The following DGCR2 variants were observed in gnomAD, a reference collection of about 807,000 sequenced individuals.
DGCR2 encodes DiGeorge syndrome critical region gene 2.
In DGCR2, 24 loss-of-function variants were observed where a neutral mutation model predicts 51.6. The ratio of observed to expected loss-of-function variants is 0.47; its 90% CI spans 0.34 to 0.65. DGCR2 has a LOEUF of 0.65. Ranked by LOEUF, DGCR2 falls within the 30% of genes least tolerant of loss-of-function variation. DGCR2 has a pLI of 0.01. For missense variants in DGCR2, 765 were observed against 772.1 expected (o/e 0.99, Z 0.11); for synonymous variants, 340 against 315.4 (o/e 1.08, Z -0.82).
intron 2 of DGCR2, 108 bp from the exon 3 acceptor site, chr22:19,068,333 G>A: frequency 1.5e-6 from 2 of 1,302,426 alleles, no homozygotes; most frequent in Non-Finnish European, 1.0e-6. Flanking sequence ...GGGGGGGCCT[G>A]TAGCACAGAG....
chr22:19,054,350 T>C (rs969218313), intron 6 of DGCR2, among the ~76,000 whole-genome samples: 1 of 152,206 alleles, frequency 6.6e-6, no homozygotes, highest in East Asian at 1.9e-4. Context: ...CTGTAACTGG[T>C]GAGTCTGTGT....
At chr22:19,058,896 G>C (rs1006198087) in intron 5 of DGCR2, among the ~76,000 whole-genome samples, 24 of 152,382 alleles carry the variant, frequency 1.6e-4, no homozygotes, top group African/African-American at 5.3e-4. Flanking sequence ...CTGGCAGCAA[G>C]CTGCATGGGC....
chr22:19,058,655 C>T (rs1053455918), intron 5 of DGCR2, among the ~76,000 whole-genome samples: 9 of 152,228 alleles, frequency 5.9e-5, no homozygotes, highest in Non-Finnish European at 1.2e-4. Context: ...AAATCTTCAG[C>T]GCTGAAGCTA....
intron 2 of DGCR2, among the ~76,000 whole-genome samples, chr22:19,074,820 A>G (rs1472489549): frequency 6.6e-6 from 1 of 152,126 alleles, no homozygotes; most frequent in Non-Finnish European, 1.5e-5. Context: ...TTTTTTTTAC[A>G]TCGGAGCTGC....
intron 3 of DGCR2, among the ~76,000 whole-genome samples, chr22:19,067,786 A>G (rs1385522386): frequency 1.3e-5 from 2 of 152,216 alleles, no homozygotes; most frequent in African/African-American, 4.8e-5. Context: ...TGGTTTCCTC[A>G]TTTATAAAAG....
At chr22:19,041,466 C>T (rs1051838258) in intron 8 of DGCR2, 172 bp from the exon 9 acceptor site, 2 of 661,212 alleles carry the variant, frequency 3.0e-6, no homozygotes, top group Non-Finnish European at 5.2e-6. Flanking sequence ...CCCTGGTGTG[C>T]TCCGTGGCAT....
At chr22:19,110,326 C>T (rs1034728) in intron 1 of DGCR2, among the ~76,000 whole-genome samples, 27,787 of 152,030 alleles carry the variant, frequency 0.18, 2,689 homozygotes, top group South Asian at 0.29. Flanking sequence ...GAACAGGCTG[C>T]GGGGAAGTGT....
chr22:19,089,320 C>A (rs1422625690), intron 2 of DGCR2, 48 bp downstream of exon 2: 3 of 1,519,304 alleles, frequency 2.0e-6, no homozygotes, highest in African/African-American at 1.4e-5. Flanking sequence ...CACCCAGCTA[C>A]AACAAAGAGA....
intron 1 of DGCR2, among the ~76,000 whole-genome samples, chr22:19,097,421 C>T (rs751954988): frequency 3.9e-5 from 6 of 152,032 alleles, no homozygotes; most frequent in Non-Finnish European, 8.8e-5. Flanking sequence ...AGGTGTGGTG[C>T]GGGTGCCTGT....
At chr22:19,069,018 T>C (rs2082783025) in intron 2 of DGCR2, among the ~76,000 whole-genome samples, 1 of 152,222 alleles carries the variant, frequency 6.6e-6, no homozygotes, top group African/African-American at 2.4e-5. Context: ...GGGGAGTGAC[T>C]TACCCAAGGC....
In DGCR2 at chr22:19,082,471, G is replaced by C. The variant is rs151170074; in HGVS notation, c.202+6897C>G. 6.6e-3 allele frequency among the ~76,000 whole-genome samples: 1,001 copies of C among 152,168 alleles called. 18 individuals are homozygous for C. Among genetic ancestry groups the C allele is most frequent in the African/African-American group, 0.022 (925 of 41,542 alleles). On this transcript the variant is annotated intron_variant, in intron 2 of 9. Transcript: ENST00000263196. The stretch of plus-strand genomic sequence containing the variant: ...TTAAGAAAAAGGTGGCCAGAGGCTA[G>C]GTATGGTGGCTCATGCACCTGTAAT...
chr22:19,116,159 C>A (rs1321924862), intron 1 of DGCR2, among the ~76,000 whole-genome samples: 1 of 152,226 alleles, frequency 6.6e-6, no homozygotes, highest in African/African-American at 2.4e-5. Flanking sequence ...AACTGCCTGC[C>A]ATGGGCCAGG....
intron 2 of DGCR2, among the ~76,000 whole-genome samples, chr22:19,081,082 G>A (rs1244736350): frequency 2.0e-5 from 3 of 152,148 alleles, no homozygotes; most frequent in African/African-American, 7.2e-5. Flanking sequence ...CAGCTGCTCT[G>A]CTACACCAGG....
chr22:19,077,383 C>A (rs997469061), intron 2 of DGCR2, among the ~76,000 whole-genome samples: 12 of 152,144 alleles, frequency 7.9e-5, no homozygotes, highest in African/African-American at 2.9e-4. Context: ...AAGGGTCTAA[C>A]TTTATTCTTT....
intron 9 of DGCR2, among the ~76,000 whole-genome samples, chr22:19,039,497 C>T (rs989320124): frequency 6.6e-5 from 10 of 152,166 alleles, no homozygotes; most frequent in African/African-American, 2.4e-4. Context: ...AGACCCGGCT[C>T]AGCAAGAAGG....
intron 3 of DGCR2, among the ~76,000 whole-genome samples, chr22:19,065,457 G>T (rs1425228044): frequency 1.3e-5 from 2 of 152,170 alleles, no homozygotes; most frequent in Admixed American, 6.5e-5. Context: ...CTGCCAGCTA[G>T]CTCACTCCCC....
Position 19,056,939 on chromosome 22 carries a change from A to T in DGCR2, c.802+47T>A. 2.0e-6 allele frequency: 3 copies of T among 1,506,388 alleles called. No individual in the cohort carries two copies. The South Asian group carries it at 4.0e-5, about 20-fold the overall frequency. 93.3% of individuals were successfully genotyped at this position (1,506,388 alleles called of 1,614,324 possible). A position where few individuals can be genotyped will look rare whatever the true frequency, so the allele number is the denominator to read the frequency against. On this transcript the variant is annotated intron_variant, in intron 6 of 9. Coordinates refer to ENST00000263196, the MANE Select transcript of DGCR2 (RefSeq NM_005137.3). The stretch of plus-strand genomic sequence containing the variant: ...TGAACTCAGGGTCCAACAAAGTGAC[A>T]CAAGGGCCCAGACATTCCCCAAGAA...
intron 5 of DGCR2, among the ~76,000 whole-genome samples, chr22:19,062,541 C>A (rs999112056): frequency 1.3e-5 from 2 of 152,062 alleles, no homozygotes; most frequent in Non-Finnish European, 2.9e-5. Context: ...AAAGTACAGC[C>A]CAACAGACAG....
At chr22:19,079,142 G>A (rs2082910062) in intron 2 of DGCR2, among the ~76,000 whole-genome samples, 2 of 152,024 alleles carry the variant, frequency 1.3e-5, no homozygotes, top group Non-Finnish European at 2.9e-5. Context: ...TATAATCCTG[G>A]CATCAAGTAA....
Sources: gnomAD v4.1 joint callset for allele counts (sites outside exome capture counted in the v4.1 genomes callset) on GRCh38, gnomAD v4.1.1 for gene constraint, MANE v1.5 for transcripts, NCBI Gene and HGNC (gene_info 2026-07-23, HGNC 2026-07-21) for gene names.